ALDH7A1: variants seen among roughly 807,000 people sequenced by gnomAD.
ALDH7A1 encodes aldehyde dehydrogenase 7 family member A1.
In ALDH7A1, 63 loss-of-function variants were observed where a neutral mutation model predicts 79.9. That is an observed-to-expected ratio of 0.79 (90% CI 0.64 to 0.97). ALDH7A1 has a LOEUF of 0.97. Ranked by LOEUF, ALDH7A1 falls within the 50% of genes least tolerant of loss-of-function variation. ALDH7A1 has a pLI of 0.00. For synonymous variants in ALDH7A1, 240 were observed against 231.2 expected (o/e 1.04, Z -0.34); for missense variants, 627 against 665.2 (o/e 0.94, Z 0.63).
intron 9 of ALDH7A1, among the ~76,000 whole-genome samples, chr5:126,565,128 C>T (rs1012987378): frequency 1.3e-5 from 2 of 152,120 alleles, no homozygotes; most frequent in African/African-American, 4.8e-5. Context: ...GGTGCGGTGG[C>T]TTATGCCTGT....
intron 9 of ALDH7A1, among the ~76,000 whole-genome samples, chr5:126,563,258 G>A (rs538633514): frequency 6.6e-6 from 1 of 151,892 alleles, no homozygotes; most frequent in African/African-American, 2.4e-5. Context: ...ATATCTAGTT[G>A]AGATTATATT....
chr5:126,560,668 T>TA (rs897611476), intron 10 of ALDH7A1, among the ~76,000 whole-genome samples: 5 of 152,208 alleles, frequency 3.3e-5, no homozygotes, highest in Admixed American at 6.5e-5. Flanking sequence ...CTTCCCAATA[T>TA]AAAAACACTC....
At chr5:126,548,137 G>A (rs1355712444) in intron 16 of ALDH7A1, among the ~76,000 whole-genome samples, 1 of 152,002 alleles carries the variant, frequency 6.6e-6, no homozygotes, top group Non-Finnish European at 1.5e-5. Flanking sequence ...TCCATTATAA[G>A]ACTTTTTTAA....
intron 10 of ALDH7A1, 75 bp from the exon 11 acceptor site, chr5:126,559,409 A>G: frequency 2.9e-6 from 3 of 1,047,588 alleles, no homozygotes; most frequent in Non-Finnish European, 4.3e-6. Context: ...GTATAAAACA[A>G]TGTTGTTTTT....
intron 10 of ALDH7A1, among the ~76,000 whole-genome samples, chr5:126,559,557 C>G (rs1361210726): frequency 6.6e-6 from 1 of 151,610 alleles, no homozygotes; most frequent in East Asian, 1.9e-4. Flanking sequence ...CTCAGCCTCC[C>G]GAGCAGTTGG....
rs1749731645 is a variant in ALDH7A1 at position 126,544,835 on chromosome 5, T to C, written c.*130A>G. 1 of 753,954 alleles carries C rather than the reference T, an allele frequency of 1.3e-6. No homozygotes were observed. The highest frequency in any genetic ancestry group is 2.3e-6 in the Non-Finnish European group (1 of 427,182). 46.7% of individuals were successfully genotyped at this position (753,954 alleles called of 1,614,324 possible). ...TCTTGATTTAATCAGGGCTTTGGGG[T>C]CATAGGGGGATTAGTCACTGTCACA... On this transcript the variant is annotated 3_prime_UTR_variant, in exon 18 of 18. Transcript: ENST00000409134.
At chr5:126,554,482 A>G in intron 12 of ALDH7A1, 89 bp from the exon 13 acceptor site, 1 of 953,160 alleles carries the variant, frequency 1.0e-6, no homozygotes, top group Non-Finnish European at 1.7e-6. Context: ...GAACAGACCA[A>G]TCCCTTCCTA....
In ALDH7A1 at chr5:126,544,874, A is replaced by G; in HGVS notation, c.*91T>C. On this transcript the variant is annotated 3_prime_UTR_variant, in exon 18 of 18. Coordinates refer to ENST00000409134, the MANE Select transcript of ALDH7A1 (RefSeq NM_001182.5). The stretch of plus-strand genomic sequence containing the variant: ...GTCACTGTCACAGTCATAATAATGC[A>G]TTTATTCAGGGAAAACTTTAATTTT... 2 of 1,071,964 alleles carry G rather than the reference A, an allele frequency of 1.9e-6. No homozygotes were observed. The highest frequency in any genetic ancestry group is 2.9e-6 in the Non-Finnish European group (2 of 698,290). 66.4% of individuals were successfully genotyped at this position (1,071,964 alleles called of 1,614,324 possible). A position where few individuals can be genotyped will look rare whatever the true frequency, so the allele number is the denominator to read the frequency against.
rs1750471378 is a variant in ALDH7A1, at chr5:126,563,571, A to G, written c.872-2447T>C. Reference sequence around the variant, plus strand: ...GTGGCGTGATCTCGGCTCACTGCAAATCTCCGCCTCCTGGGTTCAAGTGAT... The same window carrying G: ...GTGGCGTGATCTCGGCTCACTGCAAGTCTCCGCCTCCTGGGTTCAAGTGAT... On this transcript the variant is annotated intron_variant, in intron 9 of 17. Transcript: ENST00000409134. Among the ~76,000 whole-genome samples the G allele has an allele frequency of 3.3e-5, 5 of 151,986 alleles. No homozygotes were observed. The South Asian group carries it at 1.0e-3, about 32-fold the overall frequency.
In ALDH7A1 at chr5:126,575,467, TAAG is replaced by T. The variant is rs747650751; in HGVS notation, c.651-6_651-4del. 1.2e-6 allele frequency: 2 copies of T among 1,611,324 alleles called. No homozygotes were observed. On this transcript the variant is annotated splice_polypyrimidine_tract_variant and splice_region_variant and intron_variant, in intron 6 of 17. Coordinates refer to ENST00000409134, the MANE Select transcript of ALDH7A1 (RefSeq NM_001182.5). ...GGGAAGTGGTTGGAGCTCCTTTCCTTAAGAAGGTTAAAACAAAAAAAGAAAAAG... is the reference window on the plus strand; with the variant it reads ...GGGAAGTGGTTGGAGCTCCTTTCCTTAAGGTTAAAACAAAAAAAGAAAAAG...
At chr5:126,594,149 G>A (rs1751657285) in intron 1 of ALDH7A1, 2 of 468,374 alleles carry the variant, frequency 4.3e-6, no homozygotes, top group Non-Finnish European at 8.9e-6. Flanking sequence ...GAGCAGTAAT[G>A]GGTATCAGGC....
intron 9 of ALDH7A1, chr5:126,561,472 T>A (rs11241903): frequency 0.092 from 15,464 of 168,960 alleles, 850 homozygotes; most frequent in Admixed American, 0.16. Flanking sequence ...AACAATAATA[T>A]GCACCCACAG....
At position 126,570,743 on chromosome 5, in the gene ALDH7A1, G is replaced by T. The variant is rs774317391; in HGVS notation, c.773+39C>A. Reference sequence around the variant, plus strand: ...CGATGATTCTAGTTGGTCAACCTGGGGTCCTTCAACAGAGGATGCTCTCAG... The same window carrying T: ...CGATGATTCTAGTTGGTCAACCTGGTGTCCTTCAACAGAGGATGCTCTCAG... On this transcript the variant is annotated intron_variant, in intron 8 of 17. Transcript: ENST00000409134. 3 of 1,588,302 alleles carry T rather than the reference G, an allele frequency of 1.9e-6. 1 individual carries two copies. Among genetic ancestry groups the T allele is most frequent in the South Asian group, 2.2e-5 (2 of 90,484 alleles).
chr5:126,587,824 C>T (rs1012023043), intron 3 of ALDH7A1: 4 of 151,980 alleles, frequency 2.6e-5, no homozygotes, highest in Non-Finnish European at 5.9e-5. Flanking sequence ...CTTACCGAGC[C>T]TCTCTAAGTC....
At chr5:126,574,782 T>G (rs562270507) in intron 7 of ALDH7A1, among the ~76,000 whole-genome samples, 1 of 152,050 alleles carries the variant, frequency 6.6e-6, no homozygotes, top group Non-Finnish European at 1.5e-5. Flanking sequence ...TACTAATAAT[T>G]CTGAAATCAG....
rs747342957 is a variant in ALDH7A1 at position 126,595,174 on chromosome 5, A to G, written c.25T>C (p.Cys9Arg). Residue 9 changes from cysteine (C) to arginine (R), a missense_variant, in exon 1 of 18, where the codon TGT becomes CGT. Cys to Arg is a radical substitution (Grantham distance 180, BLOSUM62 -3). Coordinates refer to ENST00000409134, the MANE Select transcript of ALDH7A1 (RefSeq NM_001182.5). ...TTGCTGGTCTTTGCAGCGTGCACACACAGCGCGCGAGGAAGGCGCCACATA... is the reference window on the plus strand; with the variant it reads ...TTGCTGGTCTTTGCAGCGTGCACACGCAGCGCGCGAGGAAGGCGCCACATA... MWRLPRAL[C>R]VHAAKTSKLS... The G allele has an allele frequency of 6.4e-7, 1 of 1,553,182 alleles. No individual in the cohort carries two copies. The highest frequency in any genetic ancestry group is 1.2e-5 in the South Asian group (1 of 84,328).
rs60217601 is a variant in ALDH7A1 at position 126,543,964 on chromosome 5, CTTT to C, written c.*998_*1000del. 1.6e-5 allele frequency: 2 copies of C among 122,030 alleles called. No homozygotes were observed. Among genetic ancestry groups the C allele is most frequent in the Non-Finnish European group, 3.3e-5 (2 of 59,948 alleles). The allele number at this position is 122,030 out of a possible 1,614,324, so 7.6% of individuals were successfully genotyped here. The stretch of plus-strand genomic sequence containing the variant: ...GGTTGTATAAAAAAATCCAGATGCA[CTTT>C]TTTTTTTTTTTTTTTTTGTAGACAG... On this transcript the variant is annotated 3_prime_UTR_variant, in exon 18 of 18. Coordinates refer to ENST00000409134, the MANE Select transcript of ALDH7A1 (RefSeq NM_001182.5).
At position 126,543,358 on chromosome 5, in the gene ALDH7A1, T is replaced by C. The variant is rs1389247244; in HGVS notation, c.*1607A>G. On this transcript the variant is annotated 3_prime_UTR_variant, in exon 18 of 18. Coordinates refer to ENST00000409134, the MANE Select transcript of ALDH7A1 (RefSeq NM_001182.5). The stretch of plus-strand genomic sequence containing the variant: ...CAGAATCAGTTTTACCTAAAATCTA[T>C]AGCTAAGATTATCACTCCCACATAC... 3.3e-5 allele frequency: 5 copies of C among 152,164 alleles called. 1 individual carries two copies. The highest frequency in any genetic ancestry group is 4.1e-4 in the South Asian group (2 of 4,824). The allele number at this position is 152,164 out of a possible 1,614,324, so 9.4% of individuals were successfully genotyped here.
At position 126,592,552 on chromosome 5, in the gene ALDH7A1, C is replaced by G; in HGVS notation, c.312+112G>C. The stretch of plus-strand genomic sequence containing the variant: ...GTACAGTATCACAGCCCCCAAGGAG[C>G]TCACATTTTAACAAGGCGGCACTGA... On this transcript the variant is annotated intron_variant, in intron 3 of 17. Transcript: ENST00000409134. The G allele has an allele frequency of 3.8e-6, 4 of 1,065,906 alleles. No homozygotes were observed. In the South Asian group the frequency reaches 5.3e-5, roughly 14 times the overall value. 66.0% of individuals were successfully genotyped at this position (1,065,906 alleles called of 1,614,324 possible).
Sources: allele counts gnomAD v4.1 joint callset (sites outside exome capture counted in the v4.1 genomes callset), GRCh38; gene constraint gnomAD v4.1.1; transcripts MANE v1.5; gene names NCBI Gene and HGNC (gene_info 2026-07-23, HGNC 2026-07-21).